SPECC1: variants seen among roughly 807,000 people sequenced by gnomAD.
SPECC1 encodes the protein sperm antigen with calponin homology and coiled-coil domains 1, also known as cytospin-B.
In SPECC1, 62 loss-of-function variants were observed where a neutral mutation model predicts 104.1. The observed-to-expected ratio is 0.60, with a 90% CI of 0.49 to 0.74. SPECC1 has a LOEUF of 0.74. Among genes scored for constraint, SPECC1 ranks in the 30% least tolerant of loss-of-function variants. The pLI is 0.00. For synonymous variants in SPECC1, 513 were observed against 501.6 expected (o/e 1.02, Z -0.30); for missense variants, 1,306 against 1,310.5 (o/e 1.00, Z 0.05).
intron 3 of SPECC1, among the ~76,000 whole-genome samples, chr17:20,186,027 G>A (rs916410983): frequency 4.6e-5 from 7 of 151,948 alleles, no homozygotes; most frequent in Non-Finnish European, 8.8e-5. Flanking sequence ...TAGTAGAGGC[G>A]GGGTTTCACC....
chr17:20,178,373 T>TTC (rs2034624276), intron 3 of SPECC1, among the ~76,000 whole-genome samples: 1 of 152,144 alleles, frequency 6.6e-6, no homozygotes, highest in Admixed American at 6.5e-5. Context: ...GAGTGGAAAC[T>TTC]TCTGTGTTTT....
chr17:20,032,698 C>T (rs892606284), intron 1 of SPECC1, among the ~76,000 whole-genome samples: 11 of 151,548 alleles, frequency 7.3e-5, no homozygotes, highest in Non-Finnish European at 1.6e-4. Flanking sequence ...TTTTTAATCA[C>T]GCTTTTCTTT....
At chr17:20,174,577 A>T (rs757206688) in intron 3 of SPECC1, among the ~76,000 whole-genome samples, 13 of 149,714 alleles carry the variant, frequency 8.7e-5, no homozygotes, top group Non-Finnish European at 1.5e-4. Flanking sequence ...ACCGTGTCCC[A>T]AATGGAGACC....
chr17:20,111,048 C>T (rs1259869226), intron 3 of SPECC1, among the ~76,000 whole-genome samples: 1 of 152,178 alleles, frequency 6.6e-6, no homozygotes, highest in East Asian at 1.9e-4. Flanking sequence ...AGCTGTGAAC[C>T]TTCTCAGTGT....
chr17:20,098,460 C>T (rs571691215), intron 2 of SPECC1, among the ~76,000 whole-genome samples: 1 of 152,186 alleles, frequency 6.6e-6, no homozygotes, highest in Admixed American at 6.5e-5. Flanking sequence ...CACTTCTCTG[C>T]GTCAACCCTC....
intron 3 of SPECC1, among the ~76,000 whole-genome samples, chr17:20,126,955 A>T (rs1049987840): frequency 6.6e-6 from 1 of 152,230 alleles, no homozygotes; most frequent in Non-Finnish European, 1.5e-5. Context: ...CCAGGAAATT[A>T]AAGTATGTGT....
At chr17:20,286,301 A>G (rs2040943383) in intron 12 of SPECC1, among the ~76,000 whole-genome samples, 1 of 152,162 alleles carries the variant, frequency 6.6e-6, no homozygotes, top group South Asian at 2.1e-4. Flanking sequence ...CCAGAAGGTA[A>G]CAGCCTACAG....
At chr17:20,107,462 C>CTTTTTTT (rs201566147) in intron 2 of SPECC1, among the ~76,000 whole-genome samples, 2 of 132,112 alleles carry the variant, frequency 1.5e-5, no homozygotes, top group Non-Finnish European at 1.6e-5. Flanking sequence ...TTTCTTTTTT[C>CTTTTTTT]TTTTTTTTTT....
intron 3 of SPECC1, among the ~76,000 whole-genome samples, chr17:20,174,927 A>G (rs1022723874): frequency 6.6e-6 from 1 of 152,008 alleles, no homozygotes; most frequent in Non-Finnish European, 1.5e-5. Context: ...ATTTTGGTCA[A>G]AATTTTTTGA....
chr17:20,024,223 G>A (rs1311354754), intron 1 of SPECC1, among the ~76,000 whole-genome samples: 1 of 152,166 alleles, frequency 6.6e-6, no homozygotes, highest in African/African-American at 2.4e-5. Context: ...TTCTTGAAAC[G>A]TTTTCATGCA....
chr17:20,044,963 T>C (rs933932325), intron 1 of SPECC1, among the ~76,000 whole-genome samples: 2 of 152,194 alleles, frequency 1.3e-5, no homozygotes, highest in Non-Finnish European at 2.9e-5. Context: ...TAAGAACTCT[T>C]TTATTCCATC....
intron 1 of SPECC1, among the ~76,000 whole-genome samples, chr17:20,082,553 G>A (rs2152492205): frequency 6.6e-6 from 1 of 152,200 alleles, no homozygotes; most frequent in Admixed American, 6.5e-5. Flanking sequence ...GTATGATCAT[G>A]CCACTGCTCT....
chr17:20,082,923 G>A (rs1343554221), intron 1 of SPECC1, among the ~76,000 whole-genome samples: 2 of 152,106 alleles, frequency 1.3e-5, no homozygotes, highest in Non-Finnish European at 2.9e-5. Flanking sequence ...CTGTTAGTGG[G>A]CTTCTTTCTA....
intron 2 of SPECC1, among the ~76,000 whole-genome samples, chr17:20,098,494 G>C (rs913307675): frequency 6.6e-6 from 1 of 152,168 alleles, no homozygotes; most frequent in African/African-American, 2.4e-5. Context: ...CATTCACTCA[G>C]AGTGAAAAGC....
rs1225383893 is a variant in SPECC1 at position 20,021,699 on chromosome 17, TATA to T, written c.-22+12276_-22+12278del. On this transcript the variant is annotated intron_variant, in intron 1 of 14. Coordinates refer to ENST00000395527, the MANE Select transcript of SPECC1 (RefSeq NM_001243439.2). ...TAATATAATAATATATATATATATA[TATA>T]TTTTTTTGTACTTTTAGTAGAGACC... Among the ~76,000 whole-genome samples the T allele has an allele frequency of 4.6e-4, 58 of 125,320 alleles. 1 individual carries two copies. The highest frequency in any genetic ancestry group is 2.1e-3 in the African/African-American group (55 of 25,778). 82.2% of individuals were successfully genotyped at this position (125,320 alleles called of 152,430 possible).
In SPECC1 at chr17:20,063,323, G is replaced by GTTTTCCTAGAAAACA. The variant is rs556258784; in HGVS notation, c.-21-33295_-21-33294insCATTTTCCTAGAAAA. On this transcript the variant is annotated intron_variant, in intron 1 of 14. Coordinates refer to ENST00000395527, the MANE Select transcript of SPECC1 (RefSeq NM_001243439.2). ...TCTTGAGTTAATTTTGGTATTCTATGTTTTCCTAGAAAATGATCTGCTTTG... is the reference window on the plus strand; with the variant it reads ...TCTTGAGTTAATTTTGGTATTCTATGTTTTCCTAGAAAACATTTTCCTAGAAAATGATCTGCTTTG... Among the ~76,000 whole-genome samples, 119 of 152,170 alleles carry GTTTTCCTAGAAAACA rather than the reference G, an allele frequency of 7.8e-4. 1 individual carries two copies. In the Middle Eastern group the frequency reaches 0.014, roughly 17 times the overall value.
At position 20,205,384 on chromosome 17, in the gene SPECC1, T is replaced by C. The variant is rs960625925; in HGVS notation, c.1335T>C (p.Asn445=). ...QLSQENEKLM[N]LLQERVKNEE... ...GTCAAGAAAATGAGAAGCTGATGAA[T>C]CTTTTACAAGAGCGAGTAAAGAATG... The change falls in exon 4 of 15, where the codon AAT becomes AAC. Residue 445 remains asparagine (N), a synonymous_variant. Coordinates refer to ENST00000395527, the MANE Select transcript of SPECC1 (RefSeq NM_001243439.2). 5.6e-6 allele frequency: 9 copies of C among 1,613,612 alleles called. No homozygotes were observed. Among genetic ancestry groups the C allele is most frequent in the Non-Finnish European group, 6.8e-6 (8 of 1,179,968 alleles).
chr17:20,220,560 T>A (rs1261807549), intron 4 of SPECC1, among the ~76,000 whole-genome samples: 1 of 11,746 alleles, frequency 8.5e-5, no homozygotes, highest in African/African-American at 2.7e-3. Flanking sequence ...TCTTAATAGT[T>A]TTTTTTTTTT....
chr17:20,164,116 G>T (rs559138158), intron 3 of SPECC1, among the ~76,000 whole-genome samples: 46 of 150,914 alleles, frequency 3.0e-4, no homozygotes, highest in African/African-American at 1.1e-3. Flanking sequence ...AGGATTAAAA[G>T]ATGTTTACAT....
Sources: allele counts gnomAD v4.1 joint callset (sites outside exome capture counted in the v4.1 genomes callset), GRCh38; gene constraint gnomAD v4.1.1; transcripts MANE v1.5; gene names NCBI Gene and HGNC (gene_info 2026-07-23, HGNC 2026-07-21).